CNTNAP5: variants seen among roughly 807,000 people sequenced by gnomAD.
CNTNAP5 encodes contactin-associated protein-like 5.
Under a neutral mutation model 150.2 loss-of-function variants are expected in CNTNAP5, and 72 were observed. The observed-to-expected ratio is 0.48, with a 90% confidence interval of 0.40 to 0.58. The LOEUF is 0.58. Ranked by LOEUF, CNTNAP5 falls within the 20% of genes least tolerant of loss-of-function variation. The probability of loss-of-function intolerance (pLI) is 0.00; values close to 1 mark genes in which losing one functional copy is unlikely to be tolerated. For synonymous variants in CNTNAP5, 672 were observed against 619.8 expected (o/e 1.08, Z -1.25); for missense variants, 1,636 against 1,626.2 (o/e 1.01, Z -0.10).
chr2:124,570,295 T>C (rs12468201), intron 11 of CNTNAP5, among the ~76,000 whole-genome samples: 1 of 151,936 alleles, frequency 6.6e-6, no homozygotes, highest in Non-Finnish European at 1.5e-5. Context: ...ATTGACCTTT[T>C]AGCAGAGATT....
intron 22 of CNTNAP5, among the ~76,000 whole-genome samples, chr2:124,903,795 T>C (rs1424541797): frequency 1.3e-5 from 2 of 152,124 alleles, no homozygotes; most frequent in African/African-American, 4.8e-5. Context: ...GGCTTATGCC[T>C]GAAATTGCCG....
At chr2:124,820,539 G>A (rs752533151) in intron 19 of CNTNAP5, among the ~76,000 whole-genome samples, 1 of 151,892 alleles carries the variant, frequency 6.6e-6, no homozygotes, top group Non-Finnish European at 1.5e-5. Flanking sequence ...AAAGGAAAGG[G>A]GGGGGAGAAA....
intron 1 of CNTNAP5, among the ~76,000 whole-genome samples, chr2:124,177,194 A>C (rs1685087870): frequency 6.6e-6 from 1 of 152,028 alleles, no homozygotes; most frequent in Non-Finnish European, 1.5e-5. Context: ...GGCGGGAGGA[A>C]AGTTAGAGTA....
At chr2:124,486,093 A>G (rs1451525576) in intron 7 of CNTNAP5, among the ~76,000 whole-genome samples, 1 of 152,242 alleles carries the variant, frequency 6.6e-6, no homozygotes, top group African/African-American at 2.4e-5. Context: ...AAAATGTGGT[A>G]TATATGAACC....
chr2:124,052,419 G>A (rs550603194), intron 1 of CNTNAP5, among the ~76,000 whole-genome samples: 4 of 152,236 alleles, frequency 2.6e-5, no homozygotes, highest in Admixed American at 6.5e-5. Context: ...CAGCACCAGA[G>A]TTGAAGGAAT....
chr2:124,550,658 T>G (rs7590741), intron 10 of CNTNAP5, among the ~76,000 whole-genome samples: 66,243 of 151,898 alleles, frequency 0.44, 14,911 homozygotes, highest in East Asian at 0.62. Context: ...TCTCTCCCAT[T>G]AAATCTACAG....
intron 1 of CNTNAP5, among the ~76,000 whole-genome samples, chr2:124,113,412 G>C (rs1366132073): frequency 1.3e-5 from 2 of 151,326 alleles, no homozygotes; most frequent in Non-Finnish European, 2.9e-5. Flanking sequence ...CTCTATGCTG[G>C]GTAAATGAAA....
At chr2:124,647,491 G>T (rs1435444396) in intron 12 of CNTNAP5, among the ~76,000 whole-genome samples, 1 of 152,112 alleles carries the variant, frequency 6.6e-6, no homozygotes, top group Admixed American at 6.6e-5. Context: ...CTTAGGCATT[G>T]TCAATTTTAA....
intron 21 of CNTNAP5, among the ~76,000 whole-genome samples, chr2:124,891,299 C>T (rs952251914): frequency 4.6e-5 from 7 of 152,048 alleles, no homozygotes; most frequent in Admixed American, 3.9e-4. Flanking sequence ...CTGAGGACCT[C>T]TCCACAGTCT....
At chr2:124,289,014 A>G (rs145021767) in intron 3 of CNTNAP5, among the ~76,000 whole-genome samples, 23 of 152,318 alleles carry the variant, frequency 1.5e-4, no homozygotes, top group Admixed American at 5.9e-4. Context: ...GAATTTTACA[A>G]TTCAGTTTTC....
At chr2:124,875,438 G>A (rs1420129543) in intron 21 of CNTNAP5, among the ~76,000 whole-genome samples, 1 of 152,014 alleles carries the variant, frequency 6.6e-6, no homozygotes, top group Non-Finnish European at 1.5e-5. Context: ...GCTTTTTGGA[G>A]ACAAATTGAC....
At chr2:124,809,635 G>C (rs1391342533) in intron 19 of CNTNAP5, among the ~76,000 whole-genome samples, 2 of 151,856 alleles carry the variant, frequency 1.3e-5, no homozygotes, top group African/African-American at 4.8e-5. Flanking sequence ...AAATGTGATA[G>C]AGAAATTTGT....
chr2:124,263,787 A>T (rs1687526689), intron 3 of CNTNAP5, among the ~76,000 whole-genome samples: 2 of 152,176 alleles, frequency 1.3e-5, no homozygotes, highest in South Asian at 4.1e-4. Context: ...TTTAGGTCTA[A>T]CATTTAAGTC....
chr2:124,512,037 T>C (rs80072780), intron 8 of CNTNAP5, among the ~76,000 whole-genome samples: 6,057 of 151,744 alleles, frequency 0.04, 150 homozygotes, highest in Non-Finnish European at 0.047. Context: ...CCTATGTTAG[T>C]AGAGGAACAA....
chr2:124,518,285 T>C (rs1202230335), intron 8 of CNTNAP5, among the ~76,000 whole-genome samples: 1 of 152,216 alleles, frequency 6.6e-6, no homozygotes, highest in Non-Finnish European at 1.5e-5. Context: ...TCTGTAACTA[T>C]TTTTTGTTTT....
At chr2:124,559,196 A>G (rs543613185) in intron 10 of CNTNAP5, among the ~76,000 whole-genome samples, 3 of 152,306 alleles carry the variant, frequency 2.0e-5, no homozygotes, top group African/African-American at 7.2e-5. Context: ...CCCACCTAGC[A>G]ATGATCCTTC....
At chr2:124,904,052 T>TTAA (rs1678474940) in intron 22 of CNTNAP5, among the ~76,000 whole-genome samples, 1 of 42,256 alleles carries the variant, frequency 2.4e-5, no homozygotes, top group Non-Finnish European at 5.2e-5. Context: ...AGACTCTGTT[T>TTAA]CAAAAAAAAA....
intron 1 of CNTNAP5, among the ~76,000 whole-genome samples, chr2:124,073,901 G>GCA (rs1682375014): frequency 6.6e-6 from 1 of 152,070 alleles, no homozygotes; most frequent in Non-Finnish European, 1.5e-5. Flanking sequence ...GTTTATTACA[G>GCA]CACTATTCAC....
chr2:124,365,420 T>G (rs756576702), intron 3 of CNTNAP5, among the ~76,000 whole-genome samples: 2 of 152,122 alleles, frequency 1.3e-5, no homozygotes, highest in Non-Finnish European at 2.9e-5. Context: ...CAATTCACAT[T>G]AACATGTTAG....
Sources: gnomAD v4.1 joint callset for allele counts (sites outside exome capture counted in the v4.1 genomes callset) on GRCh38, gnomAD v4.1.1 for gene constraint, MANE v1.5 for transcripts, NCBI Gene and HGNC (gene_info 2026-07-23, HGNC 2026-07-21) for gene names.